The following DCHS1 variants were observed in gnomAD, a reference collection of about 807,000 sequenced individuals.
DCHS1 encodes protocadherin-16.
DCHS1 carries 78 observed loss-of-function variants against 213.9 expected under a neutral mutation model. The ratio of observed to expected loss-of-function variants is 0.36; its 90% CI spans 0.30 to 0.44. The LOEUF is 0.44. Ranked by LOEUF, DCHS1 falls within the 20% of genes least tolerant of loss-of-function variation. The probability of loss-of-function intolerance (pLI) is 1.00; values close to 1 mark genes in which losing one functional copy is unlikely to be tolerated. For synonymous variants in DCHS1, 1,828 were observed against 1,873.7 expected, an observed-to-expected ratio of 0.98 and a Z score of 0.63; for missense variants, 3,946 against 4,395.9, an observed-to-expected ratio of 0.90 and a Z score of 2.89.
In DCHS1 at chr11:6,630,132, G is replaced by A; in HGVS notation, c.4662C>T (p.Leu1554=). 6.2e-7 allele frequency: 1 copy of A among 1,605,616 alleles called. No individual in the cohort carries two copies. Among genetic ancestry groups the A allele is most frequent in the Non-Finnish European group, 8.5e-7 (1 of 1,175,408 alleles). Residue 1554 remains leucine (L), a synonymous_variant, in exon 10 of 21, where the codon CTC becomes CTT. Transcript: ENST00000299441. The stretch of plus-strand genomic sequence containing the variant: ...CGGGCCCAGGCGGCTGGTCCTCTGG[G>A]AGGCGCACGCGTGACGGCGAGGCGA... The part of the protein sequence containing the change: ...PVFASPSRVR[L]PEDQPPGPAA...
Position 6,628,600 on chromosome 11 carries a change from T to G in DCHS1, c.5371+21A>C, listed in dbSNP as rs751713481. The G allele has an allele frequency of 6.3e-5, 101 of 1,612,996 alleles. No homozygotes were observed. The highest frequency in any genetic ancestry group is 8.0e-5 in the Non-Finnish European group (94 of 1,179,512). ...CCAGGCAAGTGGGTGCTGAATTAAG[T>G]GGGAGTGGGAAGGTTCTCACCTAGG... is the stretch of plus-strand genomic sequence containing the variant. On this transcript the variant is annotated intron_variant, in intron 13 of 20. Coordinates refer to ENST00000299441, the MANE Select transcript of DCHS1 (RefSeq NM_003737.4). The surrounding 1 kb of genome is among the most constrained non-coding windows in gnomAD (Gnocchi z 4.3).
In DCHS1 at chr11:6,641,036, A is replaced by G. The variant is rs1856065337; in HGVS notation, c.578T>C (p.Leu193Pro). Residue 193 changes from leucine (L) to proline (P), a missense_variant, in exon 2 of 21, where the codon CTG becomes CCG. Around this residue, in one of 3 missense-constraint regions of DCHS1, gnomAD observed 3,384 missense variants for 3,780.1 expected, o/e 0.90. Transcript: ENST00000299441. The surrounding 1 kb of genome is among the most constrained non-coding windows in gnomAD (Gnocchi z 7.1). ...CCCATCTGGACCGGGGCGTGTCTCCAGCCGGAAGGTCTCTCCAGCCCCATC... is the reference window on the plus strand; with the variant it reads ...CCCATCTGGACCGGGGCGTGTCTCCGGCCGGAAGGTCTCTCCAGCCCCATC... The part of the protein sequence containing the change: ...SGDGAGETFR[L>P]ETRPGPDGTP... 1 of 1,613,888 alleles carries G rather than the reference A, an allele frequency of 6.2e-7. No homozygotes were observed. The highest frequency in any genetic ancestry group is 8.5e-7 in the Non-Finnish European group (1 of 1,179,904).
At chr11:6,646,121 C>T (rs945510861) in intron 1 of DCHS1, among the ~76,000 whole-genome samples, 4 of 152,036 alleles carry the variant, frequency 2.6e-5, no homozygotes, top group South Asian at 2.1e-4. Flanking sequence ...CCCCCACATA[C>T]ACACACACAC....
intron 1 of DCHS1, among the ~76,000 whole-genome samples, chr11:6,647,058 G>T (rs963131664): frequency 5.3e-5 from 8 of 152,320 alleles, no homozygotes; most frequent in Admixed American, 3.3e-4. Context: ...CAGGGCCAGC[G>T]AGGGGCAGAA....
Position 6,626,766 on chromosome 11 carries a change from GGAA to G in DCHS1, c.6250+20_6250+22del. ...CCAGCCCATTTGGGAGTCTGAATCTGGAAGAAATGGCTGGGGACCCACCTGGGG... is the reference window on the plus strand; with the variant it reads ...CCAGCCCATTTGGGAGTCTGAATCTGGAAATGGCTGGGGACCCACCTGGGG... On this transcript the variant is annotated intron_variant, in intron 14 of 20. Coordinates refer to ENST00000299441, the MANE Select transcript of DCHS1 (RefSeq NM_003737.4). This position sits in a 1 kb window ranked among gnomAD's most constrained non-coding sequence, Gnocchi z 5.2. 1.2e-6 allele frequency: 2 copies of G among 1,609,170 alleles called. No individual in the cohort carries two copies. The highest frequency in any genetic ancestry group is 1.7e-6 in the Non-Finnish European group (2 of 1,177,628).
intron 9 of DCHS1, 22 bp from the exon 10 acceptor site, chr11:6,630,885 G>A: frequency 6.7e-7 from 1 of 1,503,046 alleles, no homozygotes. Flanking sequence ...CGGGGAGGGA[G>A]AACAGAATTG....
intron 1 of DCHS1, among the ~76,000 whole-genome samples, chr11:6,647,960 T>G (rs1307572932): frequency 1.3e-5 from 2 of 152,174 alleles, no homozygotes; most frequent in African/African-American, 4.8e-5. Flanking sequence ...TAAGAAGACT[T>G]GGTCACTGAC....
In DCHS1 at chr11:6,627,662, C is replaced by A; in HGVS notation, c.5377G>T (p.Asp1793Tyr). The part of the protein sequence containing the change: ...GQLQYRILDG[D>Y]PSGAFVLDLA... Reference sequence around the variant, plus strand: ...TCTAGGACAAAGGCTCCTGATGGGTCCCCATCTGCAGAGAAGGGCATGCAC... The same window carrying A: ...TCTAGGACAAAGGCTCCTGATGGGTACCCATCTGCAGAGAAGGGCATGCAC... The change falls in exon 14 of 21, where the codon GAC (aspartate) becomes TAC (tyrosine). Residue 1793 changes from aspartate (D) to tyrosine (Y), a missense_variant. Asp to Tyr is a radical substitution (Grantham distance 160, BLOSUM62 -3). Around this residue, in one of 3 missense-constraint regions of DCHS1, gnomAD observed 3,384 missense variants for 3,780.1 expected, o/e 0.90. Transcript: ENST00000299441. This position sits in a 1 kb window ranked among gnomAD's most constrained non-coding sequence, Gnocchi z 5.4. 6.2e-7 allele frequency: 1 copy of A among 1,611,360 alleles called. No homozygotes were observed. Among genetic ancestry groups the A allele is most frequent in the Non-Finnish European group, 8.5e-7 (1 of 1,178,498 alleles).
intron 1 of DCHS1, among the ~76,000 whole-genome samples, chr11:6,643,634 C>A (rs901045946): frequency 6.6e-5 from 10 of 152,188 alleles, no homozygotes; most frequent in Non-Finnish European, 1.3e-4. Flanking sequence ...CAGTCCTGGG[C>A]AGTGTCTTTT....
intron 2 of DCHS1, among the ~76,000 whole-genome samples, chr11:6,634,769 T>TA (rs1855964685): frequency 7.6e-6 from 1 of 131,460 alleles, no homozygotes; most frequent in Admixed American, 7.7e-5. Context: ...CTTTTTGCAC[T>TA]AAAAAAATGA....
chr11:6,647,091 C>T (rs918606421), intron 1 of DCHS1, among the ~76,000 whole-genome samples: 1 of 151,956 alleles, frequency 6.6e-6, no homozygotes, highest in African/African-American at 2.4e-5. Context: ...TGAGGAGGGG[C>T]GCCACAAAAG....
Position 6,640,495 on chromosome 11 carries a change from G to T in DCHS1, c.1119C>A (p.Pro373=), listed in dbSNP as rs751045847. 26 of 1,613,206 alleles carry T rather than the reference G, an allele frequency of 1.6e-5. No homozygotes were observed. In the African/African-American group the frequency reaches 2.1e-4, roughly 13 times the overall value. Residue 373 remains proline, a synonymous_variant, in exon 2 of 21, where the codon CCC becomes CCA. Transcript: ENST00000299441. This position sits in a 1 kb window ranked among gnomAD's most constrained non-coding sequence, Gnocchi z 6.5. ...CAGGTGGGGCGGCCTCAGACACTTG[G>T]GGGGAGCCATCTGCACTGAGAAAGA... The part of the protein sequence containing the change: ...TVIFLSADGS[P]QVSEAAPPGQ...
intron 2 of DCHS1, 29 bp downstream of exon 2, chr11:6,639,788 C>T (rs761533198): frequency 2.1e-5 from 32 of 1,543,650 alleles, no homozygotes; most frequent in Admixed American, 3.7e-5. Flanking sequence ...TCCCCCAACA[C>T]TATCTTGCTA....
chr11:6,634,309 A>G lies in DCHS1; in HGVS notation c.1798-3T>C. 6.3e-7 allele frequency: 1 copy of G among 1,589,274 alleles called. No individual in the cohort carries two copies. On this transcript the variant is annotated splice_region_variant and splice_polypyrimidine_tract_variant and intron_variant, in intron 2 of 20. Coordinates refer to ENST00000299441, the MANE Select transcript of DCHS1 (RefSeq NM_003737.4). ...CTATCCGCGTCTGTGGCTGTCACCT[A>G]GGGAGAGGCTGGGGTGAGTGGTGTC...
chr11:6,626,949 G>T lies in DCHS1; in HGVS notation c.6090C>A (p.Gly2030=), dbSNP rs774099738. Residue 2030 remains glycine (G), a synonymous_variant, in exon 14 of 21, where the codon GGC becomes GGA. Coordinates refer to ENST00000299441, the MANE Select transcript of DCHS1 (RefSeq NM_003737.4). This position sits in a 1 kb window ranked among gnomAD's most constrained non-coding sequence, Gnocchi z 5.2. ...IRVARSPVAL[G]PRDRVLFIVA... is the part of the protein sequence containing the mutation. ...CAATGAAGAGGACACGATCTCGGGG[G>T]CCTAGAGCTACAGGAGAGCGGGCCA... The T allele has an allele frequency of 4.3e-6, 7 of 1,613,640 alleles. No individual in the cohort carries two copies. In the East Asian group the frequency reaches 8.9e-5, roughly 21 times the overall value.
intron 1 of DCHS1, among the ~76,000 whole-genome samples, chr11:6,651,882 G>GGTCGC (rs138762318): frequency 0.017 from 2,656 of 152,294 alleles, 73 homozygotes; most frequent in African/African-American, 0.061. Context: ...TAAGGGGTCG[G>GGTCGC]TGAGCTATAC....
In DCHS1 at chr11:6,639,958, A is replaced by G. The variant is rs756104178; in HGVS notation, c.1656T>C (p.Asp552=). The change falls in exon 2 of 21, where the codon GAT becomes GAC. Residue 552 remains aspartate (D), a synonymous_variant. Transcript: ENST00000299441. ...PQPQLIVVAT[D]GGLPPLASSA... is the part of the protein sequence containing the mutation. ...AGGAGGCTAGAGGGGGCAGGCCACC[A>G]TCTGTGGCCACCACAATCAGCTGTG... The G allele has an allele frequency of 5.0e-6, 8 of 1,613,892 alleles. No individual in the cohort carries two copies. The highest frequency in any genetic ancestry group is 5.9e-6 in the Non-Finnish European group (7 of 1,179,890).
At chr11:6,649,609 T>C (rs1390361101) in intron 1 of DCHS1, among the ~76,000 whole-genome samples, 1 of 152,078 alleles carries the variant, frequency 6.6e-6, no homozygotes, top group Non-Finnish European at 1.5e-5. Flanking sequence ...ATGTGCCAAA[T>C]GCCATACTAA....
rs757676700 is a variant in DCHS1, at chr11:6,640,936, C to T, written c.678G>A (p.Glu226=). 8 of 1,614,050 alleles carry T rather than the reference C, an allele frequency of 5.0e-6. No homozygotes were observed. The South Asian group carries it at 8.8e-5, about 18-fold the overall frequency. ...GGGGGGGTGAACCACCATCATAGGC[C>T]TCCAGCTGTAGCATATAGTGTGAGC... ...ENRSHYMLQL[E]AYDGGSPPRR... The change falls in exon 2 of 21, where the codon GAG becomes GAA. Residue 226 remains glutamate, a synonymous_variant. Coordinates refer to ENST00000299441, the MANE Select transcript of DCHS1 (RefSeq NM_003737.4). This position sits in a 1 kb window ranked among gnomAD's most constrained non-coding sequence, Gnocchi z 6.5.
Sources: allele counts gnomAD v4.1 joint callset (sites outside exome capture counted in the v4.1 genomes callset), GRCh38; gene constraint gnomAD v4.1.1; regional missense constraint gnomAD v4.1.1; non-coding constraint Gnocchi (gnomAD v3.1); transcripts MANE v1.5; gene names NCBI Gene and HGNC (gene_info 2026-07-23, HGNC 2026-07-21).